The following RBFOX1 variants were observed in gnomAD, a reference collection of about 807,000 sequenced individuals.
The protein encoded by RBFOX1 is RNA binding fox-1 homolog 1, also known as RNA binding protein fox-1 homolog 1.
A neutral mutation model predicts 57.7 loss-of-function variants in RBFOX1; 8 were observed. The observed-to-expected ratio is 0.14, with a 90% CI of 0.08 to 0.25. The LOEUF is 0.25. RBFOX1 is among the 10% of genes least tolerant of loss of function. RBFOX1 has a pLI of 1.00. For missense variants in RBFOX1, 611 were observed against 548.5 expected (o/e 1.11, Z -1.14); for synonymous variants, 326 against 222.4 (o/e 1.47, Z -4.15).
chr16:7,356,671 G>A (rs1280704342), intron 4 of RBFOX1, among the ~76,000 whole-genome samples: 5 of 152,200 alleles, frequency 3.3e-5, no homozygotes, highest in South Asian at 2.1e-4. Flanking sequence ...TACGTTAAGG[G>A]CATTTGAAGT....
chr16:7,398,644 A>G (rs1316269924), intron 4 of RBFOX1, among the ~76,000 whole-genome samples: 1 of 152,206 alleles, frequency 6.6e-6, no homozygotes, highest in Non-Finnish European at 1.5e-5. Context: ...GGAGACTGCC[A>G]GAGAGGCAAT....
chr16:7,435,177 A>G (rs143405829), intron 4 of RBFOX1, among the ~76,000 whole-genome samples: 78 of 151,978 alleles, frequency 5.1e-4, no homozygotes, highest in Middle Eastern at 3.4e-3. Flanking sequence ...ATTAATTGCC[A>G]TGTCTTCTTC....
intron 3 of RBFOX1, among the ~76,000 whole-genome samples, chr16:6,999,202 TTTTA>T (rs2092550355): frequency 3.8e-5 from 3 of 78,032 alleles, no homozygotes; most frequent in African/African-American, 1.3e-4. Context: ...TTATTTTATT[TTTTA>T]TTTTTATTTA....
chr16:7,439,781 C>G (rs1336351506), intron 4 of RBFOX1, among the ~76,000 whole-genome samples: 1 of 152,088 alleles, frequency 6.6e-6, no homozygotes, highest in African/African-American at 2.4e-5. Context: ...GCCAAATTTA[C>G]AGATTGCTTG....
intron 2 of RBFOX1, among the ~76,000 whole-genome samples, chr16:6,546,445 A>C (rs1426510004): frequency 2.0e-5 from 3 of 152,028 alleles, no homozygotes; most frequent in African/African-American, 7.2e-5. Context: ...TCCCTCTGAA[A>C]CCTGTAAGGG....
chr16:5,934,811 C>A (rs1354979896), intron 4 of RBFOX1, among the ~76,000 whole-genome samples: 1 of 152,194 alleles, frequency 6.6e-6, no homozygotes, highest in Non-Finnish European at 1.5e-5. Flanking sequence ...TACTCAGACA[C>A]TGATATTCAG....
At chr16:7,667,833 C>G (rs905986081) in intron 13 of RBFOX1, among the ~76,000 whole-genome samples, 1 of 152,106 alleles carries the variant, frequency 6.6e-6, no homozygotes, top group Non-Finnish European at 1.5e-5. Flanking sequence ...ACCACCACCC[C>G]TGGCTAATTT....
At chr16:6,529,303 C>T (rs1338497875) in intron 2 of RBFOX1, among the ~76,000 whole-genome samples, 1 of 152,114 alleles carries the variant, frequency 6.6e-6, no homozygotes, top group African/African-American at 2.4e-5. Context: ...TGGCTCATGC[C>T]TGTAATCCCA....
At chr16:5,649,315 A>C (rs2049154553) in intron 3 of RBFOX1, among the ~76,000 whole-genome samples, 2 of 151,934 alleles carry the variant, frequency 1.3e-5, no homozygotes. Flanking sequence ...AACTACAGGC[A>C]TGCGCCACTA....
chr16:7,391,387 A>G (rs920896018), intron 4 of RBFOX1, among the ~76,000 whole-genome samples: 1 of 152,208 alleles, frequency 6.6e-6, no homozygotes, highest in Non-Finnish European at 1.5e-5. Flanking sequence ...TTATAGGGGT[A>G]GCTGGGTACC....
chr16:7,192,594 A>G (rs749871113), intron 4 of RBFOX1, among the ~76,000 whole-genome samples: 2 of 152,190 alleles, frequency 1.3e-5, no homozygotes, highest in South Asian at 2.1e-4. Context: ...AGATCCAGAC[A>G]CACGAAAAGG....
intron 1 of RBFOX1, among the ~76,000 whole-genome samples, chr16:5,357,741 G>C (rs1013029542): frequency 6.6e-6 from 1 of 152,208 alleles, no homozygotes; most frequent in South Asian, 2.1e-4. Flanking sequence ...GGACACAACT[G>C]TTCTGTTAGT....
chr16:5,624,145 G>C (rs116049447), intron 3 of RBFOX1, among the ~76,000 whole-genome samples: 2,877 of 152,264 alleles, frequency 0.019, 88 homozygotes, highest in African/African-American at 0.064. Context: ...TTTAATACTC[G>C]AAGGTTTCAA....
intron 4 of RBFOX1, among the ~76,000 whole-genome samples, chr16:5,981,933 C>G (rs1036818714): frequency 4.6e-5 from 7 of 152,232 alleles, no homozygotes; most frequent in African/African-American, 1.7e-4. Flanking sequence ...CCCCTCACCA[C>G]AAAGAACTAT....
chr16:7,700,442 C>T (rs925905073), intron 14 of RBFOX1, among the ~76,000 whole-genome samples: 1 of 152,156 alleles, frequency 6.6e-6, no homozygotes, highest in East Asian at 1.9e-4. Context: ...GAAATTCTGA[C>T]TGAGGGATCC....
chr16:6,014,074 G>T (rs1347495995), upstream of RBFOX1, among the ~76,000 whole-genome samples: 1 of 152,054 alleles, frequency 6.6e-6, no homozygotes, highest in Non-Finnish European at 1.5e-5. Context: ...TAACAAACCT[G>T]CACGTTGTGC....
chr16:6,780,764 G>A (rs1057230752), intron 3 of RBFOX1, among the ~76,000 whole-genome samples: 3 of 150,992 alleles, frequency 2.0e-5, no homozygotes, highest in Non-Finnish European at 4.4e-5. Context: ...GCATTTTTCC[G>A]CATACCTTTT....
rs1464138588 is a variant in RBFOX1 at position 7,654,042 on chromosome 16, C to T, written c.890+95C>T. ...TGCGAGCGCATGATGGTCTTGACTC[C>T]CCCTCCGCCACCCCCAGAACCGCCC... On this transcript the variant is annotated intron_variant, in intron 12 of 15. Coordinates refer to ENST00000550418, the MANE Select transcript of RBFOX1 (RefSeq NM_018723.4). 6.1e-6 allele frequency: 8 copies of T among 1,307,698 alleles called. No individual in the cohort carries two copies. In the African/African-American group the frequency reaches 1.2e-4, roughly 20 times the overall value. 81.0% of individuals were successfully genotyped at this position (1,307,698 alleles called of 1,614,324 possible). A position where few individuals can be genotyped will look rare whatever the true frequency, so the allele number is the denominator to read the frequency against.
intron 2 of RBFOX1, among the ~76,000 whole-genome samples, chr16:5,538,702 T>A (rs528090321): frequency 5.2e-4 from 79 of 151,950 alleles, no homozygotes; most frequent in African/African-American, 1.9e-3. Context: ...CTCCGCTCAC[T>A]GCAACCTTCG....
Sources: gnomAD v4.1 joint callset for allele counts (sites outside exome capture counted in the v4.1 genomes callset) on GRCh38, gnomAD v4.1.1 for gene constraint, MANE v1.5 for transcripts, NCBI Gene and HGNC (gene_info 2026-07-23, HGNC 2026-07-21) for gene names.